KCTD9: variants seen among roughly 807,000 people sequenced by gnomAD.
KCTD9 encodes the protein BTB/POZ domain-containing protein KCTD9.
KCTD9 carries 17 observed loss-of-function variants against 53.3 expected under a neutral mutation model. That is an observed-to-expected ratio of 0.32 (90% confidence interval 0.22 to 0.48). KCTD9 has a LOEUF of 0.48. Among genes scored for constraint, KCTD9 ranks in the 20% least tolerant of loss-of-function variants. The pLI, the probability that KCTD9 is intolerant of heterozygous loss-of-function variation, is 0.99. For missense variants in KCTD9, 179 were observed against 465.5 expected (o/e 0.38, Z 5.66); for synonymous variants, 128 against 162.7 (o/e 0.79, Z 1.62).
intron 3 of KCTD9, among the ~76,000 whole-genome samples, chr8:25,444,035 C>T (rs2117417589): frequency 6.6e-6 from 1 of 152,254 alleles, no homozygotes; most frequent in African/African-American, 2.4e-5. Context: ...AACTACCTTA[C>T]TATGTTACAG....
At chr8:25,442,392 T>C (rs915456198) in intron 3 of KCTD9, among the ~76,000 whole-genome samples, 2 of 152,156 alleles carry the variant, frequency 1.3e-5, no homozygotes, top group Non-Finnish European at 2.9e-5. Context: ...TTTAAGATAT[T>C]CAAAGAAAAA....
intron 11 of KCTD9, 71 bp downstream of exon 11, chr8:25,432,433 T>G: frequency 7.2e-7 from 1 of 1,389,032 alleles, no homozygotes; most frequent in African/African-American, 1.4e-5. Context: ...TGTTTTGATT[T>G]CAATAAATTT....
chr8:25,432,075 C>T (rs1360363531), intron 11 of KCTD9, among the ~76,000 whole-genome samples: 2 of 152,116 alleles, frequency 1.3e-5, no homozygotes, highest in Admixed American at 1.3e-4. Context: ...GCTAGCTAAA[C>T]TGGCAAATTA....
In KCTD9 at chr8:25,440,269, G is replaced by C. The variant is rs1003434967; in HGVS notation, c.311+308C>G. The stretch of plus-strand genomic sequence containing the variant: ...GAGACGGGGTTTCACCATTTTAGCC[G>C]GGATGGTCTCGATCTCCTGACCTCG... On this transcript the variant is annotated intron_variant, in intron 4 of 11. Transcript: ENST00000221200. Among the ~76,000 whole-genome samples, 9 of 151,404 alleles carry C rather than the reference G, an allele frequency of 5.9e-5. No homozygotes were observed. The South Asian group carries it at 1.9e-3, about 32-fold the overall frequency.
chr8:25,448,641 G>C (rs1040269044), intron 1 of KCTD9, among the ~76,000 whole-genome samples: 1 of 152,174 alleles, frequency 6.6e-6, no homozygotes, highest in Non-Finnish European at 1.5e-5. Context: ...AGGGCTGGGC[G>C]CGGTGGCTCA....
Position 25,458,362 on chromosome 8 carries a change from G to T in KCTD9, c.-116C>A. On this transcript the variant is annotated 5_prime_UTR_variant, in exon 1 of 12. Coordinates refer to ENST00000221200, the MANE Select transcript of KCTD9 (RefSeq NM_017634.4). The stretch of plus-strand genomic sequence containing the variant: ...CACCCACTCGGATTCGCCTCCCTTC[G>T]CCACCTTCCTGCCCTTGGGGACACA... 3.4e-6 allele frequency: 4 copies of T among 1,171,064 alleles called. No individual in the cohort carries two copies. Among genetic ancestry groups the T allele is most frequent in the Non-Finnish European group, 5.0e-6 (4 of 802,958 alleles). 72.5% of individuals were successfully genotyped at this position (1,171,064 alleles called of 1,614,324 possible). A position where few individuals can be genotyped will look rare whatever the true frequency, so the allele number is the denominator to read the frequency against.
chr8:25,444,169 G>T, intron 3 of KCTD9, 123 bp downstream of exon 3: 1 of 828,448 alleles, frequency 1.2e-6, no homozygotes, highest in Non-Finnish European at 1.9e-6. Context: ...AAAGTGTGAA[G>T]ATTTGAATAC....
At chr8:25,451,263 T>C (rs1475433424) in intron 1 of KCTD9, among the ~76,000 whole-genome samples, 2 of 152,176 alleles carry the variant, frequency 1.3e-5, no homozygotes, top group Non-Finnish European at 2.9e-5. Context: ...TTGTCATACA[T>C]ATGGAAAAGA....
At chr8:25,454,667 A>C (rs1023978098) in intron 1 of KCTD9, among the ~76,000 whole-genome samples, 4 of 152,228 alleles carry the variant, frequency 2.6e-5, no homozygotes, top group African/African-American at 9.6e-5. Flanking sequence ...AAAACCCTCA[A>C]AATTTAAACC....
intron 1 of KCTD9, among the ~76,000 whole-genome samples, chr8:25,456,838 A>T (rs1189462670): frequency 6.6e-6 from 1 of 152,228 alleles, no homozygotes; most frequent in Non-Finnish European, 1.5e-5. Flanking sequence ...TGAGTAACAT[A>T]GCAGAGATAC....
intron 1 of KCTD9, among the ~76,000 whole-genome samples, chr8:25,451,037 G>C (rs539119306): frequency 1.2e-3 from 181 of 152,296 alleles, no homozygotes; most frequent in Non-Finnish European, 1.6e-3. Context: ...TATAGTTCTA[G>C]AAATTTGAAA....
chr8:25,444,442 G>T, intron 2 of KCTD9, 107 bp from the exon 3 acceptor site: 1 of 1,048,166 alleles, frequency 9.5e-7, no homozygotes, highest in Non-Finnish European at 1.4e-6. Context: ...AATAGGTTTT[G>T]CTATCAATCT....
intron 6 of KCTD9, among the ~76,000 whole-genome samples, chr8:25,438,655 A>G (rs1488942902): frequency 6.6e-6 from 1 of 152,244 alleles, no homozygotes; most frequent in African/African-American, 2.4e-5. Context: ...TTGGAGGCCT[A>G]TTAGCTTCCA....
chr8:25,455,732 T>C (rs1178033233), intron 1 of KCTD9, among the ~76,000 whole-genome samples: 1 of 152,166 alleles, frequency 6.6e-6, no homozygotes, highest in Non-Finnish European at 1.5e-5. Flanking sequence ...ACAATGTCAA[T>C]GACAACCAAT....
At position 25,439,292 on chromosome 8, in the gene KCTD9, G is replaced by A. The variant is rs147908032; in HGVS notation, c.486C>T (p.Gly162=). Residue 162 remains glycine, a synonymous_variant, in exon 6 of 12, where the codon GGC becomes GGT. Transcript: ENST00000221200. ...LRHGQLIVND[G]INLLGVLEEA... is the part of the protein sequence containing the mutation. ...AAATAAACTCACCCAATAAATTAAT[G>A]CCATCATTTACAATGAGCTGTCCAT... 49 of 1,593,890 alleles carry A rather than the reference G, an allele frequency of 3.1e-5. No individual in the cohort carries two copies. Among genetic ancestry groups the A allele is most frequent in the Non-Finnish European group, 4.0e-5 (47 of 1,171,904 alleles).
intron 6 of KCTD9, among the ~76,000 whole-genome samples, chr8:25,437,847 C>CAAAAAAAAAAAAAAAAAAAA (rs59540797): frequency 1.6e-5 from 1 of 62,544 alleles, no homozygotes; most frequent in African/African-American, 7.1e-5. Flanking sequence ...GACCCTGTCT[C>CAAAAAAAAAAAAAAAAAAAA]AAAAAAAAAA....
At chr8:25,442,532 T>C (rs954032254) in intron 3 of KCTD9, among the ~76,000 whole-genome samples, 1 of 152,176 alleles carries the variant, frequency 6.6e-6, no homozygotes, top group African/African-American at 2.4e-5. Flanking sequence ...ATAAAGATGG[T>C]GGATGGCAAT....
intron 1 of KCTD9, among the ~76,000 whole-genome samples, chr8:25,453,657 A>G (rs1042057837): frequency 2.6e-5 from 4 of 151,796 alleles, no homozygotes; most frequent in Non-Finnish European, 5.9e-5. Flanking sequence ...CCGACTCAAA[A>G]AAAAAAAAAA....
chr8:25,446,346 A>G, intron 1 of KCTD9, 96 bp from the exon 2 acceptor site: 1 of 1,378,506 alleles, frequency 7.3e-7, no homozygotes, highest in East Asian at 2.3e-5. Context: ...TAAAAAGATT[A>G]TCATATAAAA....
Sources: gnomAD v4.1 joint callset for allele counts (sites outside exome capture counted in the v4.1 genomes callset) on GRCh38, gnomAD v4.1.1 for gene constraint, MANE v1.5 for transcripts, NCBI Gene and HGNC (gene_info 2026-07-23, HGNC 2026-07-21) for gene names.